Variants in ERN2 observed in about 807,000 individuals in gnomAD.
The protein encoded by ERN2 is serine/threonine-protein kinase/endoribonuclease IRE2.
ERN2 carries 111 observed loss-of-function variants against 107.9 expected under a neutral mutation model. The ratio of observed to expected loss-of-function variants is 1.03; its 90% CI spans 0.88 to 1.20. The LOEUF (loss-of-function observed/expected upper bound fraction) is 1.20. ERN2 is among the 50% of genes most tolerant of loss of function. ERN2 has a pLI of 0.00. For missense variants in ERN2, 1,225 were observed against 1,197.9 expected (o/e 1.02, Z -0.33); for synonymous variants, 524 against 501.7 (o/e 1.04, Z -0.59).
Position 23,692,153 on chromosome 16 carries a change from C to G in ERN2, c.2248+31G>C, listed in dbSNP as rs753622528. On this transcript the variant is annotated intron_variant, in intron 18 of 21. Transcript: ENST00000256797. ...GCCTGCCTAGCGTCTTGCCCGTCCT[C>G]CCTTCTCTGCCCTGCCCAGGGCTCC... 5.6e-6 allele frequency: 9 copies of G among 1,613,872 alleles called. No homozygotes were observed. The East Asian group carries it at 1.6e-4, about 28-fold the overall frequency.
At position 23,713,097 on chromosome 16, in the gene ERN2, G is replaced by C. The variant is rs866656207; in HGVS notation, c.91C>G (p.Gln31Glu). The C allele has an allele frequency of 1.9e-6, 3 of 1,574,798 alleles. No individual in the cohort carries two copies. Among genetic ancestry groups the C allele is most frequent in the African/African-American group, 1.4e-5 (1 of 73,726 alleles). The change falls in exon 1 of 22, where the codon CAG becomes GAG. Residue 31 changes from glutamine (Q) to glutamate (E), a missense_variant and splice_region_variant. Physicochemically the swap from Gln to Glu is conservative, Grantham distance 29 (BLOSUM62 2). Coordinates refer to ENST00000256797, the MANE Select transcript of ERN2 (RefSeq NM_033266.4). ...TGGCGTCGGTCCCTGGCTCTCACCT[G>C]TGGACTCAGCGTCCCGAGCAGCAGC... ...AALLLGTLSPQVHTLRPENLL... is the reference protein window; with the variant it reads ...AALLLGTLSPEVHTLRPENLL...
intron 14 of ERN2, among the ~76,000 whole-genome samples, chr16:23,695,682 T>C (rs1373033686): frequency 7.2e-6 from 1 of 139,286 alleles, no homozygotes; most frequent in African/African-American, 2.8e-5. Context: ...TGAGCTGAGA[T>C]TGCACCACTG....
intron 17 of ERN2, among the ~76,000 whole-genome samples, chr16:23,694,313 T>G (rs1959713970): frequency 6.6e-6 from 1 of 152,222 alleles, no homozygotes; most frequent in Non-Finnish European, 1.5e-5. Flanking sequence ...ATTCTTTTTT[T>G]AAGTTGCGCA....
Position 23,713,119 on chromosome 16 carries a change from C to A in ERN2, c.69G>T (p.Leu23=). 1 of 1,576,332 alleles carries A rather than the reference C, an allele frequency of 6.3e-7. No individual in the cohort carries two copies. The highest frequency in any genetic ancestry group is 1.8e-5 in the Admixed American group (1 of 56,350). Residue 23 remains leucine, a synonymous_variant, in exon 1 of 22, where the codon CTG becomes CTT. Transcript: ENST00000256797. The part of the protein sequence containing the change: ...RLGLQLQFAA[L]LLGTLSPQVH... The stretch of plus-strand genomic sequence containing the variant: ...CCTGTGGACTCAGCGTCCCGAGCAG[C>A]AGCGCCGCGAACTGGAGCTGGAGCC...
At chr16:23,694,205 C>T (rs776978301) in intron 17 of ERN2, among the ~76,000 whole-genome samples, 1 of 152,136 alleles carries the variant, frequency 6.6e-6, no homozygotes, top group Non-Finnish European at 1.5e-5. Context: ...CTAGGTTACC[C>T]AGGCTGGTCT....
At chr16:23,704,283 AT>A (rs1358156308) in intron 8 of ERN2, among the ~76,000 whole-genome samples, 3 of 152,156 alleles carry the variant, frequency 2.0e-5, no homozygotes, top group Non-Finnish European at 4.4e-5. Context: ...CCCCTCTGAT[AT>A]GGTTTGGCTG....
chr16:23,691,547 A>G, intron 19 of ERN2, 122 bp from the exon 20 acceptor site: 1 of 1,195,162 alleles, frequency 8.4e-7, no homozygotes, highest in South Asian at 1.5e-5. Context: ...GGGGGCGTGA[A>G]GCTTCTCTGT....
chr16:23,697,708 C>T (rs1959887351), intron 13 of ERN2, among the ~76,000 whole-genome samples: 1 of 152,124 alleles, frequency 6.6e-6, no homozygotes, highest in Admixed American at 6.5e-5. Context: ...CTTTGCTTAG[C>T]CTTTTGCATA....
chr16:23,698,084 C>T (rs1197064272), intron 13 of ERN2, among the ~76,000 whole-genome samples: 1 of 152,172 alleles, frequency 6.6e-6, no homozygotes, highest in Non-Finnish European at 1.5e-5. Flanking sequence ...CTCTGGAAAT[C>T]CTGCATACAC....
At chr16:23,710,411 C>CTTA (rs1428331401) in intron 3 of ERN2, 105 bp downstream of exon 3, 1 of 1,330,580 alleles carries the variant, frequency 7.5e-7, no homozygotes, top group Non-Finnish European at 1.1e-6. Context: ...ATTCTCTTCC[C>CTTA]TTACTTCCAA....
At chr16:23,706,202 A>T in intron 7 of ERN2, 128 bp downstream of exon 7, 1 of 620,852 alleles carries the variant, frequency 1.6e-6, no homozygotes, top group East Asian at 3.0e-5. Flanking sequence ...TGTGCCATTT[A>T]GTATATGGGG....
At chr16:23,702,127 C>T in intron 11 of ERN2, 25 bp downstream of exon 11, 2 of 1,603,346 alleles carry the variant, frequency 1.2e-6, no homozygotes, top group Non-Finnish European at 8.5e-7. Context: ...TCCCTACCCC[C>T]ACTCTCTCCC....
rs775372056 is a variant in ERN2 at position 23,702,218 on chromosome 16, G to A, written c.1137C>T (p.Thr379=). The A allele has an allele frequency of 5.0e-6, 8 of 1,614,128 alleles. No individual in the cohort carries two copies. The East Asian group carries it at 1.6e-4, about 31-fold the overall frequency. The change falls in exon 11 of 22, where the codon ACC becomes ACT. Residue 379 remains threonine (T), a synonymous_variant. Transcript: ENST00000256797. ...TTGTCTCTGCAGTTCCACTCCCCAG[G>A]GTGGGATGGACCCTCAGCATGGTGG... ...LHTTMLRVHP[T]LGSGTAETRP...
chr16:23,699,897 CATG>C (rs893749482), intron 13 of ERN2, among the ~76,000 whole-genome samples: 2 of 152,120 alleles, frequency 1.3e-5, no homozygotes, highest in African/African-American at 4.8e-5. Context: ...TGTGACTTCT[CATG>C]ATGAGATGAT....
chr16:23,703,569 TA>T (rs1344129792), intron 8 of ERN2, among the ~76,000 whole-genome samples: 1 of 152,250 alleles, frequency 6.6e-6, no homozygotes, highest in African/African-American at 2.4e-5. Flanking sequence ...ATATTCTTTC[TA>T]AAATGAAAAT....
chr16:23,699,928 A>G (rs953100315), intron 13 of ERN2, among the ~76,000 whole-genome samples: 1 of 152,210 alleles, frequency 6.6e-6, no homozygotes, highest in African/African-American at 2.4e-5. Context: ...ACTGGATGTT[A>G]TTATTCCCAT....
chr16:23,705,773 G>C (rs7191943), intron 7 of ERN2, among the ~76,000 whole-genome samples: 1 of 152,104 alleles, frequency 6.6e-6, no homozygotes, highest in Non-Finnish European at 1.5e-5. Flanking sequence ...GATGAGCCAG[G>C]CTTGGTGGTA....
chr16:23,697,088 T>C (rs1330906788), intron 13 of ERN2: 1 of 151,864 alleles, frequency 6.6e-6, no homozygotes, highest in Non-Finnish European at 1.5e-5. Context: ...GAGGATTGGC[T>C]TGAGCCTGGG....
At position 23,710,224 on chromosome 16, in the gene ERN2, G is replaced by A; in HGVS notation, c.254C>T (p.Pro85Leu). 1 of 1,613,910 alleles carries A rather than the reference G, an allele frequency of 6.2e-7. No homozygotes were observed. Among genetic ancestry groups the A allele is most frequent in the Non-Finnish European group, 8.5e-7 (1 of 1,179,794 alleles). Reference sequence around the variant, plus strand: ...CAAGATGTACAGGCTGCCATCTGCTGGGTCAGAGAGAAAGGCCATTCTGTG... The same window carrying A: ...CAAGATGTACAGGCTGCCATCTGCTAGGTCAGAGAGAAAGGCCATTCTGTG... ...YVTEMAFLSD[P>L]ADGSLYILGT... Residue 85 changes from proline (P) to leucine (L), a missense_variant, in exon 4 of 22, where the codon CCA becomes CTA. Transcript: ENST00000256797.
Sources: gnomAD v4.1 joint callset for allele counts (sites outside exome capture counted in the v4.1 genomes callset) on GRCh38, gnomAD v4.1.1 for gene constraint, MANE v1.5 for transcripts, NCBI Gene and HGNC (gene_info 2026-07-23, HGNC 2026-07-21) for gene names.